ZNF350: variants seen among roughly 807,000 people sequenced by gnomAD.
ZNF350 encodes KRAB zinc finger protein ZFQR.
A neutral mutation model predicts 13.1 loss-of-function variants in ZNF350; 5 were observed. The observed-to-expected ratio is 0.38, with a 90% confidence interval of 0.20 to 0.80. ZNF350 has a LOEUF of 0.80. ZNF350 is among the 30% of genes least tolerant of loss of function. The probability of loss-of-function intolerance (pLI) is 0.43; values close to 1 mark genes in which losing one functional copy is unlikely to be tolerated. For synonymous variants in ZNF350, 199 were observed against 224.2 expected, an observed-to-expected ratio of 0.89 and a Z score of 1.00; for missense variants, 534 against 644.2, an observed-to-expected ratio of 0.83 and a Z score of 1.85.
intron 4 of ZNF350, among the ~76,000 whole-genome samples, chr19:51,966,582 C>T (rs1222024174): frequency 2.7e-5 from 4 of 147,546 alleles, no homozygotes; most frequent in Non-Finnish European, 6.0e-5. Flanking sequence ...GACGGAGTCT[C>T]ACTCTGTCGC....
chr19:51,968,689 G>C lies in ZNF350; in HGVS notation c.143-16C>G. 1 of 1,611,594 alleles carries C rather than the reference G, an allele frequency of 6.2e-7. No homozygotes were observed. Among genetic ancestry groups the C allele is most frequent in the African/African-American group, 1.3e-5 (1 of 74,994 alleles). On this transcript the variant is annotated splice_polypyrimidine_tract_variant and intron_variant, in intron 3 of 4. Transcript: ENST00000243644. ...GCTTGATACCCTGTTCATGGAAAAT[G>C]ATAGAGGACTTAGACATATCAAATT...
chr19:51,971,708 G>A (rs574753638), intron 2 of ZNF350, among the ~76,000 whole-genome samples: 1 of 152,274 alleles, frequency 6.6e-6, no homozygotes, highest in East Asian at 1.9e-4. Flanking sequence ...AGAGGGCTGT[G>A]TAAAGCTCAG....
In ZNF350 at chr19:51,966,232, A is replaced by C. The variant is rs1301872246; in HGVS notation, c.239-18T>G. 1 of 1,536,320 alleles carries C rather than the reference A, an allele frequency of 6.5e-7. No individual in the cohort carries two copies. The highest frequency in any genetic ancestry group is 8.7e-7 in the Non-Finnish European group (1 of 1,147,764). On this transcript the variant is annotated intron_variant, in intron 4 of 4. Transcript: ENST00000243644. ...CCATATGTCTAGAAAGAAAAGAACA[A>C]AGATTTCTATCATTTAGATTTGGGG... is the stretch of plus-strand genomic sequence containing the variant.
At chr19:51,975,427 C>CT (rs1201806479) in intron 1 of ZNF350, among the ~76,000 whole-genome samples, 3 of 48,904 alleles carry the variant, frequency 6.1e-5, no homozygotes, top group Non-Finnish European at 1.1e-4. Flanking sequence ...GAAACCTCGT[C>CT]TTAAAAAAAA....
At position 51,965,468 on chromosome 19, in the gene ZNF350, G is replaced by A; in HGVS notation, c.985C>T (p.Gln329Ter). Residue 329 changes from glutamine (Q) to a stop codon, truncating the protein, a stop_gained, in exon 5 of 5, where the codon CAG becomes TAG. Coordinates refer to ENST00000243644, the MANE Select transcript of ZNF350 (RefSeq NM_021632.4). LOFTEE classifies it low-confidence loss of function (END_TRUNC). ...ICNECGKGFI[Q>*]KTCLIAHQRF... The stretch of plus-strand genomic sequence containing the variant: ...TGATGTGCTATGAGACACGTCTTCT[G>A]AATGAAGCCTTTTCCACATTCATTG... 6.2e-7 allele frequency: 1 copy of A among 1,614,132 alleles called. No homozygotes were observed. The highest frequency in any genetic ancestry group is 8.5e-7 in the Non-Finnish European group (1 of 1,180,028).
intron 3 of ZNF350, 40 bp from the exon 4 acceptor site, chr19:51,968,713 T>C (rs1377592674): frequency 3.1e-6 from 5 of 1,589,986 alleles, no homozygotes; most frequent in Middle Eastern, 3.3e-4. Context: ...ACATATCAAA[T>C]TGGGCTGGCA....
chr19:51,976,972 A>G lies in ZNF350; in HGVS notation c.-171-2441T>C, dbSNP rs2085912557. 1 of 152,208 alleles carries G rather than the reference A, an allele frequency of 6.6e-6. No homozygotes were observed. Among genetic ancestry groups the G allele is most frequent in the African/African-American group, 2.4e-5 (1 of 41,440 alleles). The allele number at this position is 152,208 out of a possible 1,614,324, so 9.4% of individuals were successfully genotyped here. A position where few individuals can be genotyped will look rare whatever the true frequency, so the allele number is the denominator to read the frequency against. ...ACAGCAAGCTGAATCTAAAAATCTG[A>G]AAGAATTTGTTGACCCACCCACAGC... On this transcript the variant is annotated intron_variant, in intron 1 of 4. Coordinates refer to ENST00000243644, the MANE Select transcript of ZNF350 (RefSeq NM_021632.4). This position sits in a 1 kb window ranked among gnomAD's most constrained non-coding sequence, Gnocchi z 4.5.
chr19:51,965,330 C>G lies in ZNF350; in HGVS notation c.1123G>C (p.Glu375Gln), dbSNP rs779023028. 1.9e-6 allele frequency: 3 copies of G among 1,613,938 alleles called. No individual in the cohort carries two copies. The highest frequency in any genetic ancestry group is 3.3e-5 in the Admixed American group (2 of 60,016). ...QRIHTGEKPFECSECGKAFST... is the reference protein window; with the variant it reads ...QRIHTGEKPFQCSECGKAFST... ...AAGGCTTTCCCACATTCACTACATTCAAAGGGTTTCTCTCCTGTGTGAATT... is the reference window on the plus strand; with the variant it reads ...AAGGCTTTCCCACATTCACTACATTGAAAGGGTTTCTCTCCTGTGTGAATT... The change falls in exon 5 of 5, where the codon GAA becomes CAA. Residue 375 changes from glutamate (E) to glutamine (Q), a missense_variant. Glu to Gln is a conservative substitution (Grantham distance 29). Transcript: ENST00000243644.
At position 51,964,750 on chromosome 19, in the gene ZNF350, G is replaced by T; in HGVS notation, c.*104C>A. ...CATTTTAATAGGATGAGTTTATCAGGCTATCTCAGCCTTATACATGTTCTC... is the reference window on the plus strand; with the variant it reads ...CATTTTAATAGGATGAGTTTATCAGTCTATCTCAGCCTTATACATGTTCTC... On this transcript the variant is annotated 3_prime_UTR_variant, in exon 5 of 5. Transcript: ENST00000243644. The T allele has an allele frequency of 7.6e-7, 1 of 1,318,008 alleles. No individual in the cohort carries two copies. Among genetic ancestry groups the T allele is most frequent in the Non-Finnish European group, 1.0e-6 (1 of 964,556 alleles). 81.6% of individuals were successfully genotyped at this position (1,318,008 alleles called of 1,614,324 possible). A position where few individuals can be genotyped will look rare whatever the true frequency, so the allele number is the denominator to read the frequency against.
rs573656298 is a variant in ZNF350, at chr19:51,976,098, G to A, written c.-171-1567C>T. On this transcript the variant is annotated intron_variant, in intron 1 of 4. Transcript: ENST00000243644. The surrounding 1 kb of genome is among the most constrained non-coding windows in gnomAD (Gnocchi z 4.5). The stretch of plus-strand genomic sequence containing the variant: ...TGCAAGACTACTCTGGACCCCTGGC[G>A]CCGTTATCTACTGCGACATCTAGAG... Among the ~76,000 whole-genome samples the A allele has an allele frequency of 4.7e-5, 7 of 147,430 alleles. No homozygotes were observed. The East Asian group carries it at 7.9e-4, about 17-fold the overall frequency.
intron 3 of ZNF350, 100 bp from the exon 4 acceptor site, chr19:51,968,773 A>G (rs914314408): frequency 6.9e-7 from 1 of 1,448,252 alleles, no homozygotes; most frequent in African/African-American, 1.4e-5. Context: ...GTTTCTTAAA[A>G]TACCCAAAAT....
Position 51,976,590 on chromosome 19 carries a change from G to GGTACTGGGAGCAGTGCTTTAAAGAA in ZNF350, c.-171-2084_-171-2060dup, listed in dbSNP as rs2085903508. 2 of 152,308 alleles carry GGTACTGGGAGCAGTGCTTTAAAGAA rather than the reference G, an allele frequency of 1.3e-5. No individual in the cohort carries two copies. The highest frequency in any genetic ancestry group is 4.8e-5 in the African/African-American group (2 of 41,458). 9.4% of individuals were successfully genotyped at this position (152,308 alleles called of 1,614,324 possible). A position where few individuals can be genotyped will look rare whatever the true frequency, so the allele number is the denominator to read the frequency against. On this transcript the variant is annotated intron_variant, in intron 1 of 4. Coordinates refer to ENST00000243644, the MANE Select transcript of ZNF350 (RefSeq NM_021632.4). The surrounding 1 kb of genome is among the most constrained non-coding windows in gnomAD (Gnocchi z 4.5). The stretch of plus-strand genomic sequence containing the variant: ...AGATATAAGGTCAGTGCCCTAAAGA[G>GGTACTGGGAGCAGTGCTTTAAAGAA]GTACTGGGAGCAGTGCTTTAAAGAA...
At chr19:51,966,467 AC>A (rs2085577565) in intron 4 of ZNF350, among the ~76,000 whole-genome samples, 1 of 151,192 alleles carries the variant, frequency 6.6e-6, no homozygotes, top group South Asian at 2.1e-4. Context: ...TAGTTTTACT[AC>A]AGACGGGGTC....
rs2122881777 is a variant in ZNF350, at chr19:51,968,631, T to C, written c.185A>G (p.Gln62Arg). The C allele has an allele frequency of 1.2e-6, 2 of 1,614,146 alleles. No individual in the cohort carries two copies. The highest frequency in any genetic ancestry group is 1.3e-5 in the African/African-American group (1 of 75,042). ...TTCAATTGTCCACAGTTGTTCTCCT[T>C]GTTCCAACTTGAAGAGTGCATCCGG... is the stretch of plus-strand genomic sequence containing the variant. ...SKPDALFKLE[Q>R]GEQLWTIEDG... is the part of the protein sequence containing the mutation. The change falls in exon 4 of 5, where the codon CAA (glutamine) becomes CGA (arginine). Residue 62 changes from glutamine (Q) to arginine (R), a missense_variant. Gln to Arg is a conservative substitution (Grantham distance 43). Transcript: ENST00000243644.
At chr19:51,980,214 C>T (rs544364699) in intron 1 of ZNF350, among the ~76,000 whole-genome samples, 27 of 152,304 alleles carry the variant, frequency 1.8e-4, no homozygotes, top group South Asian at 1.7e-3. Context: ...TAGCACATTA[C>T]GAACACATAA....
intron 1 of ZNF350, among the ~76,000 whole-genome samples, chr19:51,985,919 A>C (rs997922494): frequency 6.6e-6 from 1 of 152,226 alleles, no homozygotes; most frequent in Non-Finnish European, 1.5e-5. Context: ...AGGCAGGAGA[A>C]TCGCTTGAAC....
chr19:51,983,778 C>T (rs1159738778), intron 1 of ZNF350, among the ~76,000 whole-genome samples: 5 of 152,134 alleles, frequency 3.3e-5, no homozygotes, highest in African/African-American at 4.8e-5. Context: ...TAAATACTAA[C>T]AAAACTCAGA....
chr19:51,979,522 A>G lies in ZNF350; in HGVS notation c.-171-4991T>C, dbSNP rs760607492. Among the ~76,000 whole-genome samples the G allele has an allele frequency of 7.2e-5, 11 of 152,312 alleles. 1 individual carries two copies. Among genetic ancestry groups the G allele is most frequent in the Middle Eastern group, 6.8e-3 (2 of 294 alleles). Reference sequence around the variant, plus strand: ...GTCGCTCAGCCATAGCTGTCTTGCAATTCAAGCTCAAACATGGTTGAGTCA... The same window carrying G: ...GTCGCTCAGCCATAGCTGTCTTGCAGTTCAAGCTCAAACATGGTTGAGTCA... On this transcript the variant is annotated intron_variant, in intron 1 of 4. Coordinates refer to ENST00000243644, the MANE Select transcript of ZNF350 (RefSeq NM_021632.4).
intron 1 of ZNF350, among the ~76,000 whole-genome samples, chr19:51,980,361 A>C (rs1169063443): frequency 2.0e-5 from 3 of 152,198 alleles, no homozygotes; most frequent in Non-Finnish European, 4.4e-5. Context: ...GTGTCCATAG[A>C]GCCTTAGGCA....
Sources: gnomAD v4.1 joint callset for allele counts (sites outside exome capture counted in the v4.1 genomes callset) on GRCh38, gnomAD v4.1.1 for gene constraint, Gnocchi (gnomAD v3.1) non-coding constraint, MANE v1.5 for transcripts, NCBI Gene and HGNC (gene_info 2026-07-23, HGNC 2026-07-21) for gene names.